CYP4X1: variants seen among roughly 807,000 people sequenced by gnomAD.
CYP4X1 encodes the protein cytochrome P450 family 4 subfamily X member 1.
A neutral mutation model predicts 57.9 loss-of-function variants in CYP4X1; 44 were observed. The ratio of observed to expected loss-of-function variants is 0.76; its 90% confidence interval spans 0.60 to 0.98. The LOEUF (loss-of-function observed/expected upper bound fraction) is 0.98. Ranked by LOEUF, CYP4X1 falls within the 50% of genes least tolerant of loss-of-function variation. The pLI, the probability that CYP4X1 is intolerant of heterozygous loss-of-function variation, is 0.00. For synonymous variants in CYP4X1, 227 were observed against 228.6 expected (o/e 0.99, Z 0.06); for missense variants, 532 against 623.9 (o/e 0.85, Z 1.57).
chr1:46,967,775 T>G, the CYP4X1 span: 1 of 1,356,516 alleles, frequency 7.4e-7, no homozygotes, highest in Non-Finnish European at 9.8e-7. Flanking sequence ...CCGACCGGGA[T>G]CCTGGTGGGA....
In CYP4X1 at chr1:47,038,657, C is replaced by G. The variant is rs1644211484; in HGVS notation, c.776-3C>G. On this transcript the variant is annotated splice_polypyrimidine_tract_variant and splice_region_variant and intron_variant, in intron 6 of 11. Transcript: ENST00000371901. ...GGTAATTGGAAACTATTTTTCTACC[C>G]AGATACAATAATCCAGGAAAGAAAG... 2 of 1,594,204 alleles carry G rather than the reference C, an allele frequency of 1.3e-6. No homozygotes were observed. Among genetic ancestry groups the G allele is most frequent in the South Asian group, 2.3e-5 (2 of 87,294 alleles).
At chr1:47,016,692 A>G in the CYP4X1 span, among the ~76,000 whole-genome samples, 1 of 151,982 alleles carries the variant, frequency 6.6e-6, no homozygotes, top group African/African-American at 2.4e-5. Flanking sequence ...AAGGCATGCA[A>G]TGCATAATAA....
At chr1:47,053,277 A>C (rs943909521), downstream of CYP4X1, among the ~76,000 whole-genome samples, 2 of 152,260 alleles carry the variant, frequency 1.3e-5, no homozygotes, top group East Asian at 1.9e-4. Flanking sequence ...ATAGTATTCC[A>C]TGGTGTATAT....
the CYP4X1 span, among the ~76,000 whole-genome samples, chr1:46,990,019 C>A: frequency 4.6e-5 from 7 of 152,138 alleles, no homozygotes; most frequent in Non-Finnish European, 1.0e-4. Flanking sequence ...ACACCAAAAG[C>A]AATGGCAACA....
rs371731629 is a variant in CYP4X1, at chr1:47,050,335, T to C, written c.*161T>C. On this transcript the variant is annotated 3_prime_UTR_variant, in exon 12 of 12. Transcript: ENST00000371901. ...TCCAAAATCATTTCTAGGTACACAG[T>C]GTGTCAGCTAGATCTGTTTCTATAT... The C allele has an allele frequency of 1.5e-6, 1 of 682,942 alleles. No individual in the cohort carries two copies. The highest frequency in any genetic ancestry group is 2.4e-6 in the Non-Finnish European group (1 of 412,696). The allele number at this position is 682,942 out of a possible 1,614,324, so 42.3% of individuals were successfully genotyped here. A position where few individuals can be genotyped will look rare whatever the true frequency, so the allele number is the denominator to read the frequency against.
At chr1:47,011,177 C>T in the CYP4X1 span, among the ~76,000 whole-genome samples, 1 of 152,150 alleles carries the variant, frequency 6.6e-6, no homozygotes, top group African/African-American at 2.4e-5. Flanking sequence ...GCTACAGTAA[C>T]CAAAACAGCA....
At chr1:47,031,543 G>T in intron 3 of CYP4X1, 63 bp downstream of exon 3, 1 of 1,559,856 alleles carries the variant, frequency 6.4e-7, no homozygotes. Context: ...CCATAGTAGA[G>T]CATGCCAAAG....
intron 1 of CYP4X1, among the ~76,000 whole-genome samples, chr1:47,028,314 G>A (rs923745186): frequency 6.6e-6 from 1 of 152,242 alleles, no homozygotes; most frequent in South Asian, 2.1e-4. Flanking sequence ...ACACACTTGG[G>A]CAGATCATTT....
chr1:47,054,160 G>A (rs9701273), downstream of CYP4X1, among the ~76,000 whole-genome samples: 60,706 of 147,588 alleles, frequency 0.41, 14,200 homozygotes, highest in East Asian at 0.97. Context: ...TCCCAGCACC[G>A]TTTATTAAAT....
chr1:46,963,827 C>G, the CYP4X1 span, among the ~76,000 whole-genome samples: 1 of 152,186 alleles, frequency 6.6e-6, no homozygotes, highest in Non-Finnish European at 1.5e-5. Context: ...TGGATAATAT[C>G]CTGAAGAGTG....
chr1:46,963,447 T>C, the CYP4X1 span, among the ~76,000 whole-genome samples: 1 of 151,454 alleles, frequency 6.6e-6, no homozygotes, highest in Non-Finnish European at 1.5e-5. Context: ...AAGGCAGGCC[T>C]GGTGGTGACA....
chr1:46,965,547 G>A, the CYP4X1 span, among the ~76,000 whole-genome samples: 2 of 152,214 alleles, frequency 1.3e-5, no homozygotes, highest in African/African-American at 4.8e-5. Context: ...GGTATCACAT[G>A]TGAAGGCTGT....
At chr1:47,053,189 T>C (rs1435856378), downstream of CYP4X1, among the ~76,000 whole-genome samples, 4 of 152,146 alleles carry the variant, frequency 2.6e-5, no homozygotes, top group African/African-American at 7.2e-5. Context: ...GTCCTTGTGA[T>C]AGTTTGCTGA....
chr1:47,035,467 C>G (rs901545432), intron 4 of CYP4X1, among the ~76,000 whole-genome samples: 13 of 152,184 alleles, frequency 8.5e-5, no homozygotes, highest in Non-Finnish European at 1.8e-4. Flanking sequence ...GGGGTAAACC[C>G]CTTGTAATTA....
the CYP4X1 span, among the ~76,000 whole-genome samples, chr1:46,979,041 T>C: frequency 6.6e-6 from 1 of 151,942 alleles, no homozygotes; most frequent in African/African-American, 2.4e-5. Flanking sequence ...CTAAAATCAA[T>C]CTCCTAACAT....
chr1:46,981,956 G>A, the CYP4X1 span, among the ~76,000 whole-genome samples: 6 of 152,026 alleles, frequency 3.9e-5, no homozygotes, highest in Non-Finnish European at 8.8e-5. Context: ...CACAGGGTGG[G>A]GAACATCACA....
At chr1:47,044,141 T>C (rs1177850954) in intron 8 of CYP4X1, among the ~76,000 whole-genome samples, 2 of 152,206 alleles carry the variant, frequency 1.3e-5, no homozygotes, top group African/African-American at 4.8e-5. Context: ...ATTGTTTTCT[T>C]GATGTTTTAT....
chr1:46,977,729 G>A, the CYP4X1 span, among the ~76,000 whole-genome samples: 4 of 151,964 alleles, frequency 2.6e-5, no homozygotes, highest in Non-Finnish European at 4.4e-5. Flanking sequence ...CAGAGAGAAC[G>A]GTCGGGTTAC....
At chr1:47,053,125 T>C (rs1452406011), downstream of CYP4X1, among the ~76,000 whole-genome samples, 1 of 151,930 alleles carries the variant, frequency 6.6e-6, no homozygotes, top group African/African-American at 2.4e-5. Flanking sequence ...TGTCCACGTG[T>C]TCTCATTGTT....
Sources: allele counts gnomAD v4.1 joint callset (sites outside exome capture counted in the v4.1 genomes callset), GRCh38; gene constraint gnomAD v4.1.1; transcripts MANE v1.5; gene names NCBI Gene and HGNC (gene_info 2026-07-23, HGNC 2026-07-21).